WSB2: variants seen among roughly 807,000 people sequenced by gnomAD.
WSB2 encodes WD repeat and SOCS box-containing protein 2.
WSB2 carries 12 observed loss-of-function variants against 48.8 expected under a neutral mutation model. The observed-to-expected ratio is 0.25, with a 90% CI of 0.16 to 0.40. WSB2 has a LOEUF of 0.40. Ranked by LOEUF, WSB2 falls within the 10% of genes least tolerant of loss-of-function variation. The probability of loss-of-function intolerance (pLI) is 1.00; values close to 1 mark genes in which losing one functional copy is unlikely to be tolerated. For synonymous variants in WSB2, 191 were observed against 203.1 expected (o/e 0.94, Z 0.51); for missense variants, 317 against 506.2 (o/e 0.63, Z 3.59).
intron 2 of WSB2, among the ~76,000 whole-genome samples, chr12:118,044,368 C>A (rs896407697): frequency 6.6e-6 from 1 of 152,164 alleles, no homozygotes; most frequent in African/African-American, 2.4e-5. Flanking sequence ...GGCTGAATAT[C>A]CACCACTCTC....
chr12:118,057,567 G>A (rs1021647075), intron 1 of WSB2, among the ~76,000 whole-genome samples: 26 of 151,990 alleles, frequency 1.7e-4, no homozygotes, highest in South Asian at 6.2e-4. Context: ...GAGTCACCGC[G>A]TCCAGCCTCT....
In WSB2 at chr12:118,032,710, A is replaced by AT. The variant is rs35499134; in HGVS notation, c.*1485dup. ...AGTTTTTTTGGCTATTTATTTATTT[A>AT]TTTTTTAAATAAAGATTGGGTCTTA... On this transcript the variant is annotated 3_prime_UTR_variant, in exon 9 of 9. Coordinates refer to ENST00000315436, the MANE Select transcript of WSB2 (RefSeq NM_018639.5). The AT allele has an allele frequency of 4.1e-5, 6 of 146,362 alleles. No homozygotes were observed. Among genetic ancestry groups the AT allele is most frequent in the African/African-American group, 1.6e-4 (6 of 38,062 alleles). 9.1% of individuals were successfully genotyped at this position (146,362 alleles called of 1,614,324 possible). A position where few individuals can be genotyped will look rare whatever the true frequency, so the allele number is the denominator to read the frequency against.
chr12:118,040,021 A>G (rs955675378), intron 4 of WSB2, among the ~76,000 whole-genome samples: 3 of 151,934 alleles, frequency 2.0e-5, no homozygotes, highest in African/African-American at 7.3e-5. Flanking sequence ...GCTTTAATTA[A>G]TATTTTTAAA....
chr12:118,042,586 T>C (rs1166078750), intron 4 of WSB2: 6 of 448,514 alleles, frequency 1.3e-5, no homozygotes, highest in African/African-American at 2.0e-5. Flanking sequence ...TAAGTAGATA[T>C]ACAATATATC....
Position 118,042,561 on chromosome 12 carries a change from C to T in WSB2, c.559+280G>A, listed in dbSNP as rs530305271. ...CATTTTTTTACATACAAAGCATAGA[C>T]ATGCATTCAGCACATAAGTAGATAT... is the stretch of plus-strand genomic sequence containing the variant. On this transcript the variant is annotated intron_variant, in intron 4 of 8. Coordinates refer to ENST00000315436, the MANE Select transcript of WSB2 (RefSeq NM_018639.5). 3.5e-4 allele frequency: 117 copies of T among 338,982 alleles called. 1 individual carries two copies. The South Asian group carries it at 5.1e-3, about 15-fold the overall frequency. 21.0% of individuals were successfully genotyped at this position (338,982 alleles called of 1,614,324 possible).
At chr12:118,041,114 G>A (rs1566137682) in intron 4 of WSB2, among the ~76,000 whole-genome samples, 1 of 152,228 alleles carries the variant, frequency 6.6e-6, no homozygotes, top group Non-Finnish European at 1.5e-5. Flanking sequence ...CTTCAGATGA[G>A]GATGCATGTG....
At chr12:118,034,592 T>TCTCTCTCTCTCTCTCTCTCTCTCTCTC in intron 8 of WSB2, 1 of 548,274 alleles carries the variant, frequency 1.8e-6, no homozygotes, top group Admixed American at 3.3e-5. Flanking sequence ...TGTCTCTCTC[T>TCTCTCTCTCTCTCTCTCTCTCTCTCTC]CGGCACAGCC....
chr12:118,041,265 G>A (rs2031630777), intron 4 of WSB2, among the ~76,000 whole-genome samples: 3 of 152,222 alleles, frequency 2.0e-5, no homozygotes, highest in African/African-American at 2.4e-5. Context: ...TCAGGAATGG[G>A]ATTAGTGCCC....
chr12:118,037,400 C>T (rs2031536574), intron 5 of WSB2, among the ~76,000 whole-genome samples: 1 of 152,030 alleles, frequency 6.6e-6, no homozygotes, highest in Admixed American at 6.6e-5. Flanking sequence ...GGCGCGGTGG[C>T]TCACGCCTGC....
intron 4 of WSB2, among the ~76,000 whole-genome samples, chr12:118,041,841 G>C (rs1224050832): frequency 1.5e-5 from 2 of 137,690 alleles, no homozygotes; most frequent in Admixed American, 1.7e-4. Context: ...TGCAACTTCT[G>C]CCTCCCAGGT....
upstream of WSB2, chr12:118,061,198 G>C: frequency 3.0e-6 from 3 of 983,654 alleles, no homozygotes; most frequent in Non-Finnish European, 3.6e-6. Flanking sequence ...ATGGCGGTGG[G>C]CGCGGGCGGA....
At chr12:118,046,297 C>G (rs1269566113) in intron 2 of WSB2, among the ~76,000 whole-genome samples, 1 of 151,872 alleles carries the variant, frequency 6.6e-6, no homozygotes, top group African/African-American at 2.4e-5. Context: ...CCCATCTCTA[C>G]TAAAAATACA....
rs532120682 is a variant in WSB2, at chr12:118,051,485, A to G, written c.182+825T>C. Among the ~76,000 whole-genome samples the G allele has an allele frequency of 2.0e-5, 3 of 152,350 alleles. No homozygotes were observed. In the East Asian group the frequency reaches 5.8e-4, roughly 29 times the overall value. On this transcript the variant is annotated intron_variant, in intron 2 of 8. Coordinates refer to ENST00000315436, the MANE Select transcript of WSB2 (RefSeq NM_018639.5). ...TAGAATACGGATGAACTGTGAAAACATTATGTAAAATGAAAGGAGCTAGTC... is the reference window on the plus strand; with the variant it reads ...TAGAATACGGATGAACTGTGAAAACGTTATGTAAAATGAAAGGAGCTAGTC...
intron 1 of WSB2, 37 bp from the exon 2 acceptor site, chr12:118,052,515 C>T (rs373199546): frequency 5.6e-6 from 9 of 1,610,698 alleles, no homozygotes; most frequent in East Asian, 4.5e-5. Context: ...ACACACACCC[C>T]CTTGCTCCCT....
At chr12:118,048,464 C>A (rs539327575) in intron 2 of WSB2, among the ~76,000 whole-genome samples, 59 of 151,846 alleles carry the variant, frequency 3.9e-4, no homozygotes, top group Non-Finnish European at 7.6e-4. Context: ...GTGGCACACG[C>A]CTGTAATCCC....
intron 1 of WSB2, among the ~76,000 whole-genome samples, chr12:118,055,358 A>G (rs1469127993): frequency 1.3e-5 from 2 of 152,164 alleles, no homozygotes; most frequent in East Asian, 3.9e-4. Context: ...CAAAATGTCA[A>G]CAATGCCAAG....
intron 2 of WSB2, 126 bp downstream of exon 2, chr12:118,052,184 C>G (rs2137792399): frequency 3.1e-6 from 4 of 1,294,880 alleles, no homozygotes; most frequent in Non-Finnish European, 4.2e-6. Flanking sequence ...GCTCTGGAAA[C>G]CCCCATGATC....
At chr12:118,046,328 T>C (rs1327484786) in intron 2 of WSB2, among the ~76,000 whole-genome samples, 1 of 151,428 alleles carries the variant, frequency 6.6e-6, no homozygotes, top group Non-Finnish European at 1.5e-5. Flanking sequence ...CCAGGCCTGG[T>C]GGGGGGTGCC....
chr12:118,048,576 C>A (rs2031788958), intron 2 of WSB2, among the ~76,000 whole-genome samples: 1 of 142,206 alleles, frequency 7.0e-6, no homozygotes, highest in African/African-American at 2.7e-5. Context: ...CAGAGCAAGA[C>A]TCTCTCAAAA....
Sources: gnomAD v4.1 joint callset for allele counts (sites outside exome capture counted in the v4.1 genomes callset) on GRCh38, gnomAD v4.1.1 for gene constraint, MANE v1.5 for transcripts, NCBI Gene and HGNC (gene_info 2026-07-23, HGNC 2026-07-21) for gene names.